The following USP35 variants were observed in gnomAD, a reference collection of about 807,000 sequenced individuals.
USP35 encodes the protein ubiquitin specific peptidase 35, also known as ubiquitin carboxyl-terminal hydrolase 35.
Under a neutral mutation model 83.8 loss-of-function variants are expected in USP35, and 69 were observed. The observed-to-expected ratio is 0.82, with a 90% CI of 0.68 to 1.01. The LOEUF (loss-of-function observed/expected upper bound fraction) is 1.01, where lower values mean the gene tolerates loss of function less well. Among genes scored for constraint, USP35 ranks in the 50% least tolerant of loss-of-function variants. The pLI, the probability that USP35 is intolerant of heterozygous loss-of-function variation, is 0.00. For synonymous variants in USP35, 714 were observed against 589.5 expected (o/e 1.21, Z -3.06); for missense variants, 1,503 against 1,362.5 (o/e 1.10, Z -1.62).
chr11:78,227,178 T>G, the USP35 span: 2 of 658,566 alleles, frequency 3.0e-6, no homozygotes, highest in Admixed American at 4.9e-5. Flanking sequence ...AAAAGCATAT[T>G]TTGAAGGTTG....
chr11:78,212,748 A>G (rs1696747875), intron 10 of USP35, among the ~76,000 whole-genome samples: 1 of 152,208 alleles, frequency 6.6e-6, no homozygotes, highest in African/African-American at 2.4e-5. Flanking sequence ...TGTATGTATC[A>G]TCTTGAGAGT....
intron 10 of USP35, among the ~76,000 whole-genome samples, chr11:78,211,655 G>GAA (rs1863781373): frequency 1.3e-5 from 2 of 152,172 alleles, no homozygotes. Flanking sequence ...TCTGGCTTGC[G>GAA]TGAGATGGTA....
intron 5 of USP35, 32 bp from the exon 6 acceptor site, chr11:78,200,618 G>A (rs1301490533): frequency 1.0e-5 from 16 of 1,583,576 alleles, no homozygotes; most frequent in Non-Finnish European, 1.3e-5. Context: ...GGGCGGGTTG[G>A]TGCTGAGCCT....
At chr11:78,227,778 A>G in the USP35 span, among the ~76,000 whole-genome samples, 1 of 152,094 alleles carries the variant, frequency 6.6e-6, no homozygotes, top group Admixed American at 6.6e-5. Flanking sequence ...CCAGTCTAGT[A>G]AACAGAATGA....
At chr11:78,231,594 C>A in the USP35 span, among the ~76,000 whole-genome samples, 1 of 152,270 alleles carries the variant, frequency 6.6e-6, no homozygotes, top group African/African-American at 2.4e-5. Context: ...GTGGTCTGCC[C>A]GCCTCAGCCT....
rs1863134693 is a variant in USP35 at position 78,196,095 on chromosome 11, C to T, written c.-10-141C>T. The T allele has an allele frequency of 7.5e-7, 1 of 1,333,768 alleles. No homozygotes were observed. The highest frequency in any genetic ancestry group is 9.8e-7 in the Non-Finnish European group (1 of 1,025,160). 82.6% of individuals were successfully genotyped at this position (1,333,768 alleles called of 1,614,324 possible). On this transcript the variant is annotated intron_variant, in intron 1 of 10. Transcript: ENST00000529308. The surrounding 1 kb of genome is among the most constrained non-coding windows in gnomAD (Gnocchi z 4.8). ...GGATAGCTCTCAGTGAAATGACGCC[C>T]TTGCCCCATTTCACAGATGAGAAAA...
Position 78,213,690 on chromosome 11 carries a change from A to C in USP35, c.2934A>C (p.Ala978=), listed in dbSNP as rs914713140. The C allele has an allele frequency of 1.3e-6, 2 of 1,522,236 alleles. No individual in the cohort carries two copies. The highest frequency in any genetic ancestry group is 1.7e-6 in the Non-Finnish European group (2 of 1,144,376). 94.3% of individuals were successfully genotyped at this position (1,522,236 alleles called of 1,614,324 possible). The change falls in exon 11 of 11, where the codon GCA becomes GCC. Residue 978 remains alanine, a synonymous_variant. Transcript: ENST00000529308. Reference sequence around the variant, plus strand: ...GGAGCAGGGCGGCCTACATCTCTGCACTCCCCACATCTCCGCACTGGGGGA... The same window carrying C: ...GGAGCAGGGCGGCCTACATCTCTGCCCTCCCCACATCTCCGCACTGGGGGA... ...EARSRAAYIS[A]LPTSPHWGRG...
the USP35 span, among the ~76,000 whole-genome samples, chr11:78,236,056 A>G: frequency 6.6e-6 from 1 of 152,200 alleles, no homozygotes; most frequent in East Asian, 1.9e-4. Flanking sequence ...TCTAAATAAT[A>G]ATAGGTCTTC....
At chr11:78,205,221 A>C (rs927577547) in intron 6 of USP35, among the ~76,000 whole-genome samples, 1 of 152,192 alleles carries the variant, frequency 6.6e-6, no homozygotes, top group Non-Finnish European at 1.5e-5. Context: ...CACTGTCCTG[A>C]CTGTAGGGTC....
chr11:78,223,335 TCCACATGACC>T, the USP35 span: 1 of 1,242,332 alleles, frequency 8.0e-7, no homozygotes, highest in South Asian at 1.8e-5. Flanking sequence ...AAGTCCAGGA[TCCACATGACC>T]CCTAAGCAAA....
chr11:78,226,379 C>T, the USP35 span: 1 of 1,084,842 alleles, frequency 9.2e-7, no homozygotes, highest in South Asian at 1.3e-5. Flanking sequence ...TCCCCTCGGC[C>T]ATGGATGACC....
At chr11:78,194,509 A>C (rs962068667) in intron 1 of USP35, among the ~76,000 whole-genome samples, 7 of 152,224 alleles carry the variant, frequency 4.6e-5, no homozygotes, top group African/African-American at 1.4e-4. Context: ...GCTGAGTCTT[A>C]TATCAGGTCC....
rs184332973 is a variant in USP35 at position 78,192,000 on chromosome 11, C to T, written c.-11+2843C>T. Among the ~76,000 whole-genome samples, 527 of 152,144 alleles carry T rather than the reference C, an allele frequency of 3.5e-3. 1 individual carries two copies. Among genetic ancestry groups the T allele is most frequent in the African/African-American group, 0.012 (500 of 41,490 alleles). On this transcript the variant is annotated intron_variant, in intron 1 of 10. Transcript: ENST00000529308. Reference sequence around the variant, plus strand: ...CTGGGACTACAGGTGCCCGCCACCACGCCCGGCTAATTTTTTGTATTTTTA... The same window carrying T: ...CTGGGACTACAGGTGCCCGCCACCATGCCCGGCTAATTTTTTGTATTTTTA...
downstream of USP35, chr11:78,215,542 C>T (rs905228300): frequency 6.6e-6 from 1 of 152,560 alleles, no homozygotes; most frequent in Non-Finnish European, 1.5e-5. Context: ...TAAATGGTAA[C>T]AAGACAAGAA....
the USP35 span, chr11:78,223,625 A>G: frequency 6.2e-7 from 1 of 1,613,000 alleles, no homozygotes; most frequent in East Asian, 2.2e-5. Context: ...ATGGGCACAT[A>G]GTTGTCTTCA....
At chr11:78,235,995 T>C in the USP35 span, among the ~76,000 whole-genome samples, 1 of 152,200 alleles carries the variant, frequency 6.6e-6, no homozygotes, top group Non-Finnish European at 1.5e-5. Flanking sequence ...GAGACTGGGA[T>C]TTTTATTTGG....
Position 78,209,995 on chromosome 11 carries a change from G to A in USP35, c.2140G>A (p.Glu714Lys), listed in dbSNP as rs1863687518. 1 of 1,613,498 alleles carries A rather than the reference G, an allele frequency of 6.2e-7. No homozygotes were observed. Among genetic ancestry groups the A allele is most frequent in the African/African-American group, 1.3e-5 (1 of 74,974 alleles). Reference protein sequence around the residue: ...GEREKEEEVEEEEEKVEKETE... With the variant: ...GEREKEEEVEKEEEKVEKETE... The stretch of plus-strand genomic sequence containing the variant: ...GAGGGAGAAAGAGGAGGAGGTGGAA[G>A]AGGAAGAAGAGAAGGTGGAGAAGGA... Residue 714 changes from glutamate to lysine, a missense_variant, in exon 10 of 11, where the codon GAG becomes AAG. Transcript: ENST00000529308.
the USP35 span, among the ~76,000 whole-genome samples, chr11:78,234,427 A>C: frequency 6.6e-6 from 1 of 152,056 alleles, no homozygotes; most frequent in African/African-American, 2.4e-5. Flanking sequence ...TCTCTGATAC[A>C]TTTTAATTTT....
At chr11:78,191,518 A>G (rs947791432) in intron 1 of USP35, among the ~76,000 whole-genome samples, 18 of 152,088 alleles carry the variant, frequency 1.2e-4, no homozygotes, top group African/African-American at 4.3e-4. Flanking sequence ...AAGAACACCT[A>G]CCTCCATGGT....
Sources: gnomAD v4.1 joint callset for allele counts (sites outside exome capture counted in the v4.1 genomes callset) on GRCh38, gnomAD v4.1.1 for gene constraint, Gnocchi (gnomAD v3.1) non-coding constraint, MANE v1.5 for transcripts, NCBI Gene and HGNC (gene_info 2026-07-23, HGNC 2026-07-21) for gene names.